The following PCMTD2 variants were observed in gnomAD, a reference collection of about 807,000 sequenced individuals.
PCMTD2 encodes protein-L-isoaspartate O-methyltransferase domain-containing protein 2.
In PCMTD2, 16 loss-of-function variants were observed where a neutral mutation model predicts 33.4. The observed-to-expected ratio is 0.48, with a 90% CI of 0.32 to 0.73. PCMTD2 has a LOEUF of 0.73. Ranked by LOEUF, PCMTD2 falls within the 30% of genes least tolerant of loss-of-function variation. PCMTD2 has a pLI of 0.03. For missense variants in PCMTD2, 374 were observed against 449.9 expected, an observed-to-expected ratio of 0.83 and a Z score of 1.53; for synonymous variants, 161 against 160.8, an observed-to-expected ratio of 1.00 and a Z score of -0.01.
chr20:64,268,143 C>CTG (rs201313710), intron 5 of PCMTD2, 133 bp downstream of exon 5: 124,049 of 595,360 alleles, frequency 0.21, 16,002 homozygotes, highest in South Asian at 0.38. Flanking sequence ...CTGTAAAATT[C>CTG]TACAAGCAAT....
At position 64,260,074 on chromosome 20, in the gene PCMTD2, G is replaced by C; in HGVS notation, c.109G>C (p.Asp37His). ...GGTAGAGCAGGCTTTCAGAGCTATCGATCGTGCAGACTATTATCTTGAAGA... is the reference window on the plus strand; with the variant it reads ...GGTAGAGCAGGCTTTCAGAGCTATCCATCGTGCAGACTATTATCTTGAAGA... Reference protein sequence around the residue: ...ELVEQAFRAIDRADYYLEEFK... With the variant: ...ELVEQAFRAIHRADYYLEEFK... Residue 37 changes from aspartate (D) to histidine (H), a missense_variant, in exon 2 of 6, where the codon GAT (aspartate) becomes CAT (histidine). Asp to His is a moderately conservative substitution (Grantham distance 81). Coordinates refer to ENST00000308824, the MANE Select transcript of PCMTD2 (RefSeq NM_018257.3). 6.2e-7 allele frequency: 1 copy of C among 1,612,230 alleles called. No individual in the cohort carries two copies. The highest frequency in any genetic ancestry group is 8.5e-7 in the Non-Finnish European group (1 of 1,178,288).
intron 5 of PCMTD2, chr20:64,272,370 T>G (rs564148106): frequency 3.3e-6 from 1 of 301,128 alleles, no homozygotes; most frequent in East Asian, 8.2e-5. Context: ...GTTGCCTGCA[T>G]GAAATCGTGA....
chr20:64,268,925 A>G (rs1396765800), intron 5 of PCMTD2, among the ~76,000 whole-genome samples: 1 of 152,104 alleles, frequency 6.6e-6, no homozygotes, highest in Non-Finnish European at 1.5e-5. Flanking sequence ...TTAATTAGGG[A>G]AGGTTTGGCA....
At chr20:64,259,610 G>T (rs2145754005) in intron 1 of PCMTD2, among the ~76,000 whole-genome samples, 1 of 152,106 alleles carries the variant, frequency 6.6e-6, no homozygotes, top group East Asian at 1.9e-4. Context: ...GGCTGTTCTT[G>T]AACTCCTGAC....
chr20:64,261,677 G>A (rs1035718011), intron 2 of PCMTD2, among the ~76,000 whole-genome samples: 16 of 152,068 alleles, frequency 1.1e-4, no homozygotes, highest in Admixed American at 6.5e-5. Context: ...TTATGCTATA[G>A]ATTGCTACCT....
intron 1 of PCMTD2, among the ~76,000 whole-genome samples, chr20:64,259,094 C>T (rs545590451): frequency 1.9e-4 from 29 of 152,262 alleles, no homozygotes; most frequent in South Asian, 4.1e-4. Context: ...GGGAAAGCTG[C>T]GTATCATGCA....
intron 5 of PCMTD2, among the ~76,000 whole-genome samples, chr20:64,270,039 G>A (rs1172328571): frequency 6.7e-6 from 1 of 149,358 alleles, no homozygotes; most frequent in East Asian, 2.0e-4. Context: ...ATGGGGTTGT[G>A]TGAGTGCATG....
At chr20:64,270,878 G>A (rs113350649) in intron 5 of PCMTD2, among the ~76,000 whole-genome samples, 932 of 7,534 alleles carry the variant, frequency 0.12, 110 homozygotes, top group Middle Eastern at 0.58. Context: ...GTTGTGATAC[G>A]TACAATGGTA....
chr20:64,263,811 T>C (rs760122115), intron 2 of PCMTD2, among the ~76,000 whole-genome samples: 5 of 152,212 alleles, frequency 3.3e-5, no homozygotes, highest in Non-Finnish European at 5.9e-5. Context: ...TTTACCTTCA[T>C]GTAAGTGGAT....
In PCMTD2 at chr20:64,265,286, A is replaced by T. The variant is rs1391745137; in HGVS notation, c.439A>T (p.Thr147Ser). Reference sequence around the variant, plus strand: ...TGACTTCTGTGAACCTTCCTTTGTTACTGGGAATTGCCTGGAGATTTCTCC... The same window carrying T: ...TGACTTCTGTGAACCTTCCTTTGTTTCTGGGAATTGCCTGGAGATTTCTCC... ...KFDFCEPSFV[T>S]GNCLEISPDC... Residue 147 changes from threonine (T) to serine (S), a missense_variant, in exon 4 of 6, where the codon ACT (threonine) becomes TCT (serine). Coordinates refer to ENST00000308824, the MANE Select transcript of PCMTD2 (RefSeq NM_018257.3). The T allele has an allele frequency of 6.2e-7, 1 of 1,603,662 alleles. No individual in the cohort carries two copies. Among genetic ancestry groups the T allele is most frequent in the East Asian group, 2.2e-5 (1 of 44,776 alleles).
At chr20:64,267,851 A>G (rs369814471) in intron 4 of PCMTD2, 36 bp from the exon 5 acceptor site, 14 of 1,594,592 alleles carry the variant, frequency 8.8e-6, no homozygotes, top group African/African-American at 1.3e-5. Flanking sequence ...ATAGTAGCCA[A>G]TTCTTTTGAA....
chr20:64,255,904 C>A, intron 1 of PCMTD2, 34 bp downstream of exon 1: 1 of 154,674 alleles, frequency 6.5e-6, no homozygotes, highest in South Asian at 1.9e-4. Flanking sequence ...GCCCCTCGGT[C>A]CGGCCTGCGG....
intron 2 of PCMTD2, among the ~76,000 whole-genome samples, chr20:64,262,362 A>T: frequency 6.6e-6 from 1 of 152,166 alleles, no homozygotes; most frequent in Non-Finnish European, 1.5e-5. Context: ...TCTTTCCTGA[A>T]TCCCCTGTTT....
At chr20:64,263,761 C>T (rs1165737309) in intron 2 of PCMTD2, among the ~76,000 whole-genome samples, 1 of 152,142 alleles carries the variant, frequency 6.6e-6, no homozygotes, top group Non-Finnish European at 1.5e-5. Flanking sequence ...AAGGTGATGA[C>T]CGTTTTGCCT....
Position 64,264,637 on chromosome 20 carries a change from G to T in PCMTD2, c.410+106G>T, listed in dbSNP as rs1013523916. 6 of 667,404 alleles carry T rather than the reference G, an allele frequency of 9.0e-6. No individual in the cohort carries two copies. In the African/African-American group the frequency reaches 1.1e-4, roughly 12 times the overall value. 41.3% of individuals were successfully genotyped at this position (667,404 alleles called of 1,614,324 possible). A position where few individuals can be genotyped will look rare whatever the true frequency, so the allele number is the denominator to read the frequency against. On this transcript the variant is annotated intron_variant, in intron 3 of 5. Coordinates refer to ENST00000308824, the MANE Select transcript of PCMTD2 (RefSeq NM_018257.3). ...GTGGTAGGAAACATAATTAAACTGT[G>T]GTGGGATGATTCTATGTGCCTGTTC... is the stretch of plus-strand genomic sequence containing the variant.
intron 5 of PCMTD2, among the ~76,000 whole-genome samples, chr20:64,268,674 A>G (rs1985758249): frequency 6.6e-6 from 1 of 152,120 alleles, no homozygotes; most frequent in African/African-American, 2.4e-5. Flanking sequence ...CATTTAGAAA[A>G]TTTGGAAAAT....
At chr20:64,264,941 G>A (rs1272400030) in intron 3 of PCMTD2, among the ~76,000 whole-genome samples, 1 of 152,240 alleles carries the variant, frequency 6.6e-6, no homozygotes, top group East Asian at 1.9e-4. Flanking sequence ...CACTCATTGT[G>A]TAGTATTAAT....
In PCMTD2 at chr20:64,263,120, T is replaced by G. The variant is rs546913244; in HGVS notation, c.308-1309T>G. 3.9e-5 allele frequency among the ~76,000 whole-genome samples: 6 copies of G among 152,320 alleles called. No homozygotes were observed. The East Asian group carries it at 1.2e-3, about 29-fold the overall frequency. The stretch of plus-strand genomic sequence containing the variant: ...TTTGATAGTGAAGGTGAGGGGTCAG[T>G]GAAAATAAGATGAGTGGGAAGAATC... On this transcript the variant is annotated intron_variant, in intron 2 of 5. Transcript: ENST00000308824.
chr20:64,269,779 ATGTGTG>A (rs1170619335), intron 5 of PCMTD2, among the ~76,000 whole-genome samples: 1 of 141,620 alleles, frequency 7.1e-6, no homozygotes, highest in Non-Finnish European at 1.5e-5. Context: ...GTGTGGGGTA[ATGTGTG>A]TGTGGGTGTG....
Sources: allele counts gnomAD v4.1 joint callset (sites outside exome capture counted in the v4.1 genomes callset), GRCh38; gene constraint gnomAD v4.1.1; transcripts MANE v1.5; gene names NCBI Gene and HGNC (gene_info 2026-07-23, HGNC 2026-07-21).